The following ABCB11 variants were observed in gnomAD, a reference collection of about 807,000 sequenced individuals.
The protein encoded by ABCB11 is ATP binding cassette subfamily B member 11.
A neutral mutation model predicts 148.0 loss-of-function variants in ABCB11; 95 were observed. The ratio of observed to expected loss-of-function variants is 0.64; its 90% CI spans 0.54 to 0.76. The LOEUF is 0.76. Ranked by LOEUF, ABCB11 falls within the 30% of genes least tolerant of loss-of-function variation. The pLI is 0.00. For missense variants in ABCB11, 1,523 were observed against 1,617.8 expected, an observed-to-expected ratio of 0.94 and a Z score of 1.01; for synonymous variants, 591 against 555.4, an observed-to-expected ratio of 1.06 and a Z score of -0.90.
At chr2:168,963,728 T>C (rs1693174664) in intron 18 of ABCB11, among the ~76,000 whole-genome samples, 1 of 151,832 alleles carries the variant, frequency 6.6e-6, no homozygotes, top group Non-Finnish European at 1.5e-5. Context: ...CTCCATTAAT[T>C]CAAATATTTT....
rs966208080 is a variant in ABCB11 at position 169,029,834 on chromosome 2, G to A, written c.-28+1391C>T. 7.4e-5 allele frequency among the ~76,000 whole-genome samples: 9 copies of A among 121,568 alleles called. 1 individual carries two copies. The highest frequency in any genetic ancestry group is 2.5e-4 in the Admixed American group (3 of 11,992). 79.8% of individuals were successfully genotyped at this position (121,568 alleles called of 152,430 possible). ...CGGCTCACTGCAAGCTCCGCTTCCC[G>A]GGTTCACGCCATTCTCCTGCCTCAG... On this transcript the variant is annotated intron_variant, in intron 1 of 27. Transcript: ENST00000650372.
chr2:168,936,160 C>T (rs2105898659), intron 22 of ABCB11, 70 bp downstream of exon 22: 3 of 1,450,622 alleles, frequency 2.1e-6, no homozygotes, highest in South Asian at 2.6e-5. Context: ...CTTCGTACTA[C>T]TCGTTTTTAA....
chr2:168,990,168 G>A (rs1238343617), intron 9 of ABCB11, among the ~76,000 whole-genome samples: 2 of 152,084 alleles, frequency 1.3e-5, no homozygotes, highest in African/African-American at 4.8e-5. Flanking sequence ...GGAAGAATTT[G>A]AGGAGGACTG....
intron 5 of ABCB11, among the ~76,000 whole-genome samples, chr2:169,009,904 A>T (rs12613034): frequency 0.15 from 22,208 of 152,086 alleles, 2,648 homozygotes; most frequent in East Asian, 0.35. Flanking sequence ...CTGTCTAGCT[A>T]CAAAATAGTG....
At position 169,013,357 on chromosome 2, in the gene ABCB11, T is replaced by A. The variant is rs748087267; in HGVS notation, c.304A>T (p.Ile102Phe). The A allele has an allele frequency of 3.1e-6, 5 of 1,613,770 alleles. No homozygotes were observed. In the African/African-American group the frequency reaches 6.7e-5, roughly 22 times the overall value. ...DYDVELQELQ[I>F]PGKACVNNTI... is the part of the protein sequence containing the mutation. ...TTATTCACACATGCTTTTCCTGGAA[T>A]CTGGAGTTCTTGTAACTCAACGTCG... Residue 102 changes from isoleucine (I) to phenylalanine (F), a missense_variant, in exon 5 of 28, where the codon ATT becomes TTT. Coordinates refer to ENST00000650372, the MANE Select transcript of ABCB11 (RefSeq NM_003742.4).
downstream of ABCB11, among the ~76,000 whole-genome samples, chr2:168,918,925 AAACTTT>A (rs1313098244): frequency 6.6e-6 from 1 of 151,950 alleles, no homozygotes; most frequent in Non-Finnish European, 1.5e-5. Context: ...TTTTCATCTT[AAACTTT>A]ATTTTTTTCA....
chr2:168,947,032 C>T (rs969035584), intron 19 of ABCB11, among the ~76,000 whole-genome samples: 2 of 151,902 alleles, frequency 1.3e-5, no homozygotes, highest in South Asian at 2.1e-4. Flanking sequence ...AAGGGCTATC[C>T]ATCCATAGAT....
At chr2:168,925,134 G>C (rs1691247008) in intron 26 of ABCB11, among the ~76,000 whole-genome samples, 1 of 152,106 alleles carries the variant, frequency 6.6e-6, no homozygotes, top group African/African-American at 2.4e-5. Context: ...TCTGATTCTA[G>C]ATTCTTATCT....
chr2:168,953,974 C>CGT (rs1442052604), intron 19 of ABCB11, among the ~76,000 whole-genome samples: 1 of 151,652 alleles, frequency 6.6e-6, no homozygotes, highest in African/African-American at 2.4e-5. Flanking sequence ...ATTGATGTCT[C>CGT]GTGTCTCCCT....
At chr2:169,003,347 T>TGTGC (rs1423918284) in intron 5 of ABCB11, among the ~76,000 whole-genome samples, 19 of 148,236 alleles carry the variant, frequency 1.3e-4, no homozygotes, top group African/African-American at 4.5e-4. Context: ...TGTGTGTGTG[T>TGTGC]GCATATATAT....
intron 8 of ABCB11, among the ~76,000 whole-genome samples, chr2:168,993,175 T>C (rs1694596869): frequency 6.6e-6 from 1 of 152,026 alleles, no homozygotes; most frequent in East Asian, 1.9e-4. Context: ...ACAGTTGTGA[T>C]TGCAGAAATC....
chr2:168,970,140 C>A lies in ABCB11; in HGVS notation c.1714G>T (p.Ala572Ser), dbSNP rs770349223. ...AGAATCTTGGGATTTCGGATGAGGG[C>A]TCTGGCGATAGCTACCCTTTGTTTC... is the stretch of plus-strand genomic sequence containing the variant. The part of the protein sequence containing the change: ...GQKQRVAIAR[A>S]LIRNPKILLL... Residue 572 changes from alanine to serine, a missense_variant, in exon 15 of 28, where the codon GCC (alanine) becomes TCC (serine). Ala to Ser is a moderately conservative substitution (Grantham distance 99). Transcript: ENST00000650372. The A allele has an allele frequency of 3.7e-6, 6 of 1,612,978 alleles. No individual in the cohort carries two copies. The highest frequency in any genetic ancestry group is 5.1e-6 in the Non-Finnish European group (6 of 1,179,318).
intron 21 of ABCB11, among the ~76,000 whole-genome samples, chr2:168,944,308 A>G (rs975521219): frequency 1.3e-5 from 2 of 151,928 alleles, no homozygotes; most frequent in African/African-American, 2.4e-5. Flanking sequence ...ATCTTGTTGA[A>G]GCTGAGTCTC....
In ABCB11 at chr2:168,942,214, T is replaced by C. The variant is rs568443297; in HGVS notation, c.2610+2391A>G. On this transcript the variant is annotated intron_variant, in intron 21 of 27. Transcript: ENST00000650372. ...AATACATGAGAAAAAGTGAGCAAGATAGTGGGACATATAACTATGAATCTT... is the reference window on the plus strand; with the variant it reads ...AATACATGAGAAAAAGTGAGCAAGACAGTGGGACATATAACTATGAATCTT... Among the ~76,000 whole-genome samples, 40 of 116,236 alleles carry C rather than the reference T, an allele frequency of 3.4e-4. 2 individuals are homozygous for C. The South Asian group carries it at 0.014, about 40-fold the overall frequency. 76.3% of individuals were successfully genotyped at this position (116,236 alleles called of 152,430 possible).
At chr2:169,029,514 T>C (rs1478573692) in intron 1 of ABCB11, among the ~76,000 whole-genome samples, 1 of 152,052 alleles carries the variant, frequency 6.6e-6, no homozygotes, top group Non-Finnish European at 1.5e-5. Flanking sequence ...AGTCTGGGAA[T>C]AGACTAAAAT....
At chr2:169,016,421 A>G (rs944726854) in intron 3 of ABCB11, among the ~76,000 whole-genome samples, 1 of 152,188 alleles carries the variant, frequency 6.6e-6, no homozygotes, top group African/African-American at 2.4e-5. Flanking sequence ...GAAATATGCA[A>G]TAATGACACT....
chr2:168,997,643 A>G (rs1392885038), intron 5 of ABCB11, among the ~76,000 whole-genome samples: 1 of 151,988 alleles, frequency 6.6e-6, no homozygotes, highest in Non-Finnish European at 1.5e-5. Flanking sequence ...CCTCTTCAGC[A>G]TGGGTTCTTC....
intron 5 of ABCB11, among the ~76,000 whole-genome samples, chr2:169,007,242 T>C (rs1042970959): frequency 6.6e-6 from 1 of 151,196 alleles, no homozygotes; most frequent in Non-Finnish European, 1.5e-5. Flanking sequence ...CTGAGATTAA[T>C]CAATGGGGAA....
intron 21 of ABCB11, among the ~76,000 whole-genome samples, chr2:168,942,254 T>C (rs1224851343): frequency 1.3e-5 from 2 of 151,462 alleles, no homozygotes; most frequent in South Asian, 2.1e-4. Context: ...AAAACTAGAG[T>C]CTTGTTTGTA....
Sources: allele counts gnomAD v4.1 joint callset (sites outside exome capture counted in the v4.1 genomes callset), GRCh38; gene constraint gnomAD v4.1.1; transcripts MANE v1.5; gene names NCBI Gene and HGNC (gene_info 2026-07-23, HGNC 2026-07-21).